The following NEK3 variants were observed in gnomAD, a reference collection of about 807,000 sequenced individuals.
NEK3 encodes the protein NIMA related kinase 3, also known as serine/threonine-protein kinase Nek3.
Under a neutral mutation model 66.0 loss-of-function variants are expected in NEK3, and 54 were observed. The ratio of observed to expected loss-of-function variants is 0.82; its 90% CI spans 0.66 to 1.03. The LOEUF is 1.03. Among genes scored for constraint, NEK3 ranks in the 50% least tolerant of loss-of-function variants. NEK3 has a pLI of 0.00. For synonymous variants in NEK3, 200 were observed against 206.2 expected (o/e 0.97, Z 0.26); for missense variants, 593 against 603.0 (o/e 0.98, Z 0.17).
In NEK3 at chr13:52,144,620, T is replaced by C. The variant is rs548169445; in HGVS notation, c.804+71A>G. 3.3e-6 allele frequency: 4 copies of C among 1,205,264 alleles called. No homozygotes were observed. In the South Asian group the frequency reaches 3.9e-5, roughly 12 times the overall value. 74.7% of individuals were successfully genotyped at this position (1,205,264 alleles called of 1,614,324 possible). On this transcript the variant is annotated intron_variant, in intron 9 of 15. Transcript: ENST00000610828. Reference sequence around the variant, plus strand: ...TTTGATGAGCACATGTAATGTATAATGTTAAAAGATAACAAACCATTTTAC... The same window carrying C: ...TTTGATGAGCACATGTAATGTATAACGTTAAAAGATAACAAACCATTTTAC...
chr13:52,153,766 G>C (rs984902861), intron 4 of NEK3, 129 bp downstream of exon 4: 3 of 660,558 alleles, frequency 4.5e-6, no homozygotes, highest in Admixed American at 2.7e-5. Flanking sequence ...CACCAATTCA[G>C]AAATCAGTCA....
intron 8 of NEK3, 136 bp downstream of exon 8, chr13:52,148,279 A>T: frequency 1.4e-6 from 1 of 729,790 alleles, no homozygotes; most frequent in Admixed American, 2.4e-5. Context: ...AGGGCAGATG[A>T]CTGCACTGGA....
In NEK3 at chr13:52,135,767, A is replaced by G; in HGVS notation, c.1271T>C (p.Leu424Pro). The G allele has an allele frequency of 6.2e-7, 1 of 1,613,690 alleles. No individual in the cohort carries two copies. Among genetic ancestry groups the G allele is most frequent in the Non-Finnish European group, 8.5e-7 (1 of 1,179,700 alleles). ...TGTGTATGTTTGAAAAGCCAAGCTG[A>G]GATCAGCATTCTTAAGGATGTTCAA... ...TLLNILKNAD[L>P]SLAFQTYTIY... The change falls in exon 14 of 16, where the codon CTC becomes CCC. Residue 424 changes from leucine to proline, a missense_variant. Coordinates refer to ENST00000610828, the MANE Select transcript of NEK3 (RefSeq NM_002498.3).
At chr13:52,138,661 G>A (rs564400716) in intron 11 of NEK3, among the ~76,000 whole-genome samples, 2 of 152,272 alleles carry the variant, frequency 1.3e-5, no homozygotes, top group Non-Finnish European at 2.9e-5. Flanking sequence ...AGGTGAAGTG[G>A]CTCACACCTA....
chr13:52,135,060 C>T (rs1316006431), intron 14 of NEK3, among the ~76,000 whole-genome samples: 2 of 152,088 alleles, frequency 1.3e-5, no homozygotes, highest in Admixed American at 6.5e-5. Flanking sequence ...TAGATCTTAA[C>T]CTAGCAAGAT....
At chr13:52,137,051 T>C in intron 11 of NEK3, 149 bp from the exon 12 acceptor site, 1 of 517,684 alleles carries the variant, frequency 1.9e-6, no homozygotes, top group East Asian at 3.2e-5. Context: ...GACATGTATA[T>C]TAATAGCCAT....
chr13:52,135,750 T>C lies in NEK3; in HGVS notation c.1288A>G (p.Thr430Ala). The change falls in exon 14 of 16, where the codon ACA (threonine) becomes GCA (alanine). Residue 430 changes from threonine (T) to alanine (A), a missense_variant. Thr to Ala is a moderately conservative substitution (Grantham distance 58). Coordinates refer to ENST00000610828, the MANE Select transcript of NEK3 (RefSeq NM_002498.3). ...KNADLSLAFQ[T>A]YTIYRPGSEG... ...TTACCTGGTCTATATATTGTGTATG[T>C]TTGAAAAGCCAAGCTGAGATCAGCA... is the stretch of plus-strand genomic sequence containing the variant. The C allele has an allele frequency of 6.2e-7, 1 of 1,613,356 alleles. No individual in the cohort carries two copies. Among genetic ancestry groups the C allele is most frequent in the Non-Finnish European group, 8.5e-7 (1 of 1,179,608 alleles).
intron 7 of NEK3, among the ~76,000 whole-genome samples, chr13:52,149,058 AT>A (rs984323246): frequency 2.6e-4 from 38 of 143,674 alleles, no homozygotes; most frequent in Middle Eastern, 3.7e-3. Flanking sequence ...CGCCCAGCTA[AT>A]TTTTTTTTTT....
intron 12 of NEK3, 104 bp downstream of exon 12, chr13:52,136,696 A>G (rs756542653): frequency 4.8e-6 from 3 of 619,856 alleles, no homozygotes; most frequent in Non-Finnish European, 8.1e-6. Flanking sequence ...AAGCAAACAA[A>G]TATCAGCTTG....
At chr13:52,154,270 G>C in intron 2 of NEK3, 97 bp from the exon 3 acceptor site, 4 of 734,958 alleles carry the variant, frequency 5.4e-6, no homozygotes, top group Middle Eastern at 4.0e-4. Context: ...AATGCTAGAT[G>C]CAGTTTTATA....
intron 11 of NEK3, among the ~76,000 whole-genome samples, chr13:52,139,762 G>A (rs184104006): frequency 2.0e-5 from 3 of 152,152 alleles, no homozygotes; most frequent in Admixed American, 6.5e-5. Context: ...AGCTGGGCAC[G>A]GTGGCTCGTG....
At chr13:52,139,716 T>C (rs1243263487) in intron 11 of NEK3, among the ~76,000 whole-genome samples, 1 of 151,860 alleles carries the variant, frequency 6.6e-6, no homozygotes, top group Non-Finnish European at 1.5e-5. Context: ...CTGGCCAACA[T>C]AGCAAAACCC....
At chr13:52,154,489 T>C (rs1174870976) in intron 2 of NEK3, among the ~76,000 whole-genome samples, 3 of 151,798 alleles carry the variant, frequency 2.0e-5, no homozygotes, top group African/African-American at 7.3e-5. Flanking sequence ...TCAAAAATAA[T>C]GTATCTTTTG....
In NEK3 at chr13:52,143,994, T is replaced by G; in HGVS notation, c.805-7A>C. ...CACCATATTCCATGATGATCTGAAA[T>G]TTAAAGTTGAGAATTTAGAGATGTG... On this transcript the variant is annotated splice_region_variant and splice_polypyrimidine_tract_variant and intron_variant, in intron 9 of 15. Transcript: ENST00000610828. 6.8e-7 allele frequency: 1 copy of G among 1,466,130 alleles called. No individual in the cohort carries two copies. 90.8% of individuals were successfully genotyped at this position (1,466,130 alleles called of 1,614,324 possible).
rs965992807 is a variant in NEK3, at chr13:52,152,666, G to C, written c.336C>G (p.Cys112Trp). The C allele has an allele frequency of 2.5e-6, 4 of 1,610,470 alleles. No individual in the cohort carries two copies. Among genetic ancestry groups the C allele is most frequent in the Admixed American group, 1.7e-5 (1 of 59,586 alleles). ...DMILNWFTQMCLGVNHIHKKR... is the reference protein window; with the variant it reads ...DMILNWFTQMWLGVNHIHKKR... The stretch of plus-strand genomic sequence containing the variant: ...TCTTGTGAATGTGATTTACTCCAAG[G>C]CACATTTGGGTAAACCAATTAAGTA... Residue 112 changes from cysteine (C) to tryptophan (W), a missense_variant, in exon 5 of 16, where the codon TGC becomes TGG. Transcript: ENST00000610828.
chr13:52,136,224 G>A lies in NEK3; in HGVS notation c.1066C>T (p.Pro356Ser). The change falls in exon 13 of 16, where the codon CCA (proline) becomes TCA (serine). Residue 356 changes from proline to serine, a missense_variant. Pro to Ser is a moderately conservative substitution (Grantham distance 74, BLOSUM62 -1). Transcript: ENST00000610828. ...TCCCACTGTCGTCTATGAAGATTTG[G>A]TGAACTGGCTTTCCTCAGATGGACT... ...KSVHLRKASS[P>S]NLHRRQWEKN... is the part of the protein sequence containing the mutation. 6.2e-7 allele frequency: 1 copy of A among 1,613,572 alleles called. No homozygotes were observed. Among genetic ancestry groups the A allele is most frequent in the South Asian group, 1.1e-5 (1 of 90,918 alleles).
chr13:52,144,693 C>CG lies in NEK3; in HGVS notation c.801dup (p.Glu268ArgfsTer8). ...AACCAATCCAACACAGATCATACCTCGGGGGGTAAGCACTTCTGGACAAGC... is the reference window on the plus strand; with the variant it reads ...AACCAATCCAACACAGATCATACCTCGGGGGGGTAAGCACTTCTGGACAAGC... On this transcript the variant is annotated frameshift_variant, in exon 9 of 16. Coordinates refer to ENST00000610828, the MANE Select transcript of NEK3 (RefSeq NM_002498.3). LOFTEE classifies it high-confidence loss of function. 2.5e-6 allele frequency: 4 copies of CG among 1,613,588 alleles called. No homozygotes were observed. The highest frequency in any genetic ancestry group is 1.7e-6 in the Non-Finnish European group (2 of 1,179,674).
intron 11 of NEK3, among the ~76,000 whole-genome samples, chr13:52,140,237 C>T (rs1358557754): frequency 7.0e-6 from 1 of 143,018 alleles, no homozygotes; most frequent in Non-Finnish European, 1.5e-5. Flanking sequence ...AAAAAAAAGC[C>T]AGGATAACAC....
intron 7 of NEK3, among the ~76,000 whole-genome samples, chr13:52,149,371 C>T (rs1956320485): frequency 6.6e-6 from 1 of 152,148 alleles, no homozygotes; most frequent in African/African-American, 2.4e-5. Flanking sequence ...CCACCAGGCC[C>T]AGCTCCTCCA....
Sources: gnomAD v4.1 joint callset for allele counts (sites outside exome capture counted in the v4.1 genomes callset) on GRCh38, gnomAD v4.1.1 for gene constraint, MANE v1.5 for transcripts, NCBI Gene and HGNC (gene_info 2026-07-23, HGNC 2026-07-21) for gene names.